Variants in UGT2B4 observed in about 807,000 individuals in gnomAD.
The protein encoded by UGT2B4 is UDP glucuronosyltransferase family 2 member B4, also known as UDP-glucuronosyltransferase 2B4.
In UGT2B4, 49 loss-of-function variants were observed where a neutral mutation model predicts 49.8. The ratio of observed to expected loss-of-function variants is 0.98; its 90% CI spans 0.78 to 1.25. The LOEUF is 1.25. UGT2B4 is among the 50% of genes most tolerant of loss of function. The pLI is 0.00. For synonymous variants in UGT2B4, 246 were observed against 217.7 expected, an observed-to-expected ratio of 1.13 and a Z score of -1.14; for missense variants, 729 against 627.7, an observed-to-expected ratio of 1.16 and a Z score of -1.73.
intron 5 of UGT2B4, among the ~76,000 whole-genome samples, chr4:69,484,673 T>C (rs750735643): frequency 6.6e-6 from 1 of 152,162 alleles, no homozygotes; most frequent in Non-Finnish European, 1.5e-5. Context: ...TTCTTTTACG[T>C]TGATACAAAT....
intron 1 of UGT2B4, among the ~76,000 whole-genome samples, chr4:69,510,231 G>T (rs1052372424): frequency 1.3e-5 from 2 of 152,040 alleles, no homozygotes; most frequent in Non-Finnish European, 2.9e-5. Context: ...AATTTGAACA[G>T]CAGACTATAT....
At chr4:69,525,510 C>T (rs1488193363) in intron 1 of UGT2B4, among the ~76,000 whole-genome samples, 2 of 151,974 alleles carry the variant, frequency 1.3e-5, no homozygotes, top group Non-Finnish European at 1.5e-5. Flanking sequence ...TCCTTCAGAG[C>T]TTAATTTTTT....
Position 69,495,164 on chromosome 4 carries a change from TCC to T in UGT2B4, c.696_697del (p.Trp232Ter), listed in dbSNP as rs1560436015. 7 of 1,570,028 alleles carry T rather than the reference TCC, an allele frequency of 4.5e-6. No individual in the cohort carries two copies. The highest frequency in any genetic ancestry group is 3.9e-5 in the Admixed American group (2 of 51,110). ...ACCTAGAACTTCACTGTAGAACTGA[TCC>T]CACTTCTTCATGTCAAATATTTGGA... On this transcript the variant is annotated stop_gained and frameshift_variant, in exon 1 of 6. Coordinates refer to ENST00000305107, the MANE Select transcript of UGT2B4 (RefSeq NM_021139.3). LOFTEE classifies it high-confidence loss of function.
At chr4:69,507,792 G>A (rs1220912036) in intron 1 of UGT2B4, among the ~76,000 whole-genome samples, 2 of 152,088 alleles carry the variant, frequency 1.3e-5, no homozygotes, top group Non-Finnish European at 2.9e-5. Flanking sequence ...TCAGAATATA[G>A]ACACGGGCAA....
At chr4:69,511,989 C>T (rs1728615297) in intron 1 of UGT2B4, among the ~76,000 whole-genome samples, 1 of 151,764 alleles carries the variant, frequency 6.6e-6, no homozygotes, top group African/African-American at 2.4e-5. Context: ...TATTCTGAGG[C>T]ATTAGTTGCA....
chr4:69,521,079 T>G (rs1165399353), intron 1 of UGT2B4, among the ~76,000 whole-genome samples: 1 of 152,132 alleles, frequency 6.6e-6, no homozygotes, highest in Non-Finnish European at 1.5e-5. Context: ...GACCAGCCTG[T>G]GGAAAGGAGC....
intron 1 of UGT2B4, among the ~76,000 whole-genome samples, chr4:69,503,374 C>T (rs1404893381): frequency 6.6e-6 from 1 of 152,208 alleles, no homozygotes; most frequent in African/African-American, 2.4e-5. Flanking sequence ...TCTACATGTT[C>T]TCTCCCAAGA....
chr4:69,500,836 C>G (rs574234892), upstream of UGT2B4, among the ~76,000 whole-genome samples: 894 of 152,204 alleles, frequency 5.9e-3, 7 homozygotes, highest in Non-Finnish European at 7.9e-3. Flanking sequence ...CCTCATGAAC[C>G]CACTCCACCA....
At chr4:69,502,130 T>TTTCTTTC (rs1553896689) in intron 1 of UGT2B4, among the ~76,000 whole-genome samples, 12 of 143,272 alleles carry the variant, frequency 8.4e-5, no homozygotes, top group East Asian at 2.1e-4. Flanking sequence ...TCTTTCTTTC[T>TTTCTTTC]TTCTTTCTTT....
At chr4:69,512,570 C>T (rs1008664937) in intron 1 of UGT2B4, among the ~76,000 whole-genome samples, 1 of 152,040 alleles carries the variant, frequency 6.6e-6, no homozygotes, top group African/African-American at 2.4e-5. Context: ...TGTATATGTC[C>T]AGTAAGGAAA....
At chr4:69,523,732 GACTTCTTATCTTTCACTATT>G (rs1366737015) in intron 1 of UGT2B4, among the ~76,000 whole-genome samples, 1 of 152,042 alleles carries the variant, frequency 6.6e-6, no homozygotes, top group Non-Finnish European at 1.5e-5. Context: ...GCCAGGCATT[GACTTCTTATCTTTCACTATT>G]AAAGACTCAA....
intron 1 of UGT2B4, among the ~76,000 whole-genome samples, chr4:69,522,105 G>T (rs761613267): frequency 6.6e-6 from 1 of 152,092 alleles, no homozygotes; most frequent in Non-Finnish European, 1.5e-5. Context: ...GGAAAAAGAT[G>T]CAAATATATC....
At chr4:69,493,199 A>T (rs1728045128) in intron 2 of UGT2B4, among the ~76,000 whole-genome samples, 2 of 151,892 alleles carry the variant, frequency 1.3e-5, no homozygotes, top group Admixed American at 1.3e-4. Context: ...TTCAGCTCTC[A>T]TCTAAATTAT....
At chr4:69,500,590 C>CAAGAAAGAAAGCAAGAAAGCAAGA (rs1399741309), upstream of UGT2B4, among the ~76,000 whole-genome samples, 5 of 61,000 alleles carry the variant, frequency 8.2e-5, no homozygotes, top group African/African-American at 5.4e-5. Context: ...AGCAAGAAAG[C>CAAGAAAGAAAGCAAGAAAGCAAGA]AAGCAAGAAA....
At chr4:69,523,335 A>C (rs1170295090) in intron 1 of UGT2B4, among the ~76,000 whole-genome samples, 1 of 152,128 alleles carries the variant, frequency 6.6e-6, no homozygotes, top group Non-Finnish European at 1.5e-5. Context: ...TAAAACTTGA[A>C]AGTCAAAATT....
At chr4:69,500,610 A>AAAGCAAGAAAGC (rs1265749209), upstream of UGT2B4, among the ~76,000 whole-genome samples, 6,224 of 76,510 alleles carry the variant, frequency 0.081, 236 homozygotes, top group Middle Eastern at 0.12. Context: ...AGCAAGGAAG[A>AAAGCAAGAAAGC]AAGAAAGAAA....
chr4:69,497,055 G>A (rs138623968), upstream of UGT2B4, among the ~76,000 whole-genome samples: 1 of 152,140 alleles, frequency 6.6e-6, no homozygotes, highest in East Asian at 1.9e-4. Context: ...TATTGTCTTA[G>A]AATTATGCAG....
chr4:69,498,647 A>AT, upstream of UGT2B4, among the ~76,000 whole-genome samples: 1 of 151,774 alleles, frequency 6.6e-6, no homozygotes, highest in East Asian at 1.9e-4. Flanking sequence ...TTTCTAGTTT[A>AT]TTTGCATAGA....
intron 1 of UGT2B4, among the ~76,000 whole-genome samples, chr4:69,524,387 C>T (rs1728921531): frequency 2.0e-5 from 3 of 151,926 alleles, no homozygotes; most frequent in South Asian, 4.2e-4. Context: ...TGTCGTTTCT[C>T]AGGAATAGGC....
Sources: allele counts gnomAD v4.1 joint callset (sites outside exome capture counted in the v4.1 genomes callset), GRCh38; gene constraint gnomAD v4.1.1; transcripts MANE v1.5; gene names NCBI Gene and HGNC (gene_info 2026-07-23, HGNC 2026-07-21).